The following MGAT4C variants were observed in gnomAD, a reference collection of about 807,000 sequenced individuals.
The protein encoded by MGAT4C is MGAT4 family member C, also known as alpha-1,3-mannosyl-glycoprotein 4-beta-N-acetylglucosaminyltransferase C.
MGAT4C carries 19 observed loss-of-function variants against 40.1 expected under a neutral mutation model. The ratio of observed to expected loss-of-function variants is 0.47; its 90% CI spans 0.33 to 0.70. The LOEUF (loss-of-function observed/expected upper bound fraction) is 0.70. MGAT4C is among the 30% of genes least tolerant of loss of function. The pLI is 0.02. For synonymous variants in MGAT4C, 181 were observed against 187.1 expected, an observed-to-expected ratio of 0.97 and a Z score of 0.27; for missense variants, 491 against 563.2, an observed-to-expected ratio of 0.87 and a Z score of 1.30.
At chr12:86,289,463 A>C (rs962671443) in intron 4 of MGAT4C, among the ~76,000 whole-genome samples, 1 of 152,054 alleles carries the variant, frequency 6.6e-6, no homozygotes, top group African/African-American at 2.4e-5. Flanking sequence ...GTAGTTTGAT[A>C]GGAATAGTAA....
chr12:86,298,391 G>C (rs1381965776), intron 4 of MGAT4C, among the ~76,000 whole-genome samples: 1 of 152,020 alleles, frequency 6.6e-6, no homozygotes, highest in Non-Finnish European at 1.5e-5. Flanking sequence ...TATAGCATTG[G>C]AAGTCAGGTA....
At chr12:86,454,700 G>GAGT (rs1454404337) in intron 2 of MGAT4C, among the ~76,000 whole-genome samples, 1 of 152,106 alleles carries the variant, frequency 6.6e-6, no homozygotes, top group African/African-American at 2.4e-5. Flanking sequence ...TTGGGCACTG[G>GAGT]AGTAGTAAGC....
chr12:86,739,637 A>G (rs1279260641), intron 1 of MGAT4C, among the ~76,000 whole-genome samples: 1 of 151,076 alleles, frequency 6.6e-6, no homozygotes, highest in Non-Finnish European at 1.5e-5. Context: ...TTTACATTGA[A>G]TTAGATATTA....
chr12:86,073,518 T>C (rs944972989), intron 1 of MGAT4C, among the ~76,000 whole-genome samples: 2 of 152,186 alleles, frequency 1.3e-5, no homozygotes, highest in Non-Finnish European at 2.9e-5. Flanking sequence ...TGGAGACTTG[T>C]TGAATGGCGG....
At chr12:86,311,332 T>C (rs1230289892) in intron 4 of MGAT4C, among the ~76,000 whole-genome samples, 1 of 152,188 alleles carries the variant, frequency 6.6e-6, no homozygotes, top group East Asian at 1.9e-4. Flanking sequence ...TAAATGCATC[T>C]GACATAGAAA....
At chr12:86,030,651 A>G (rs577154451) in intron 2 of MGAT4C, among the ~76,000 whole-genome samples, 8 of 151,928 alleles carry the variant, frequency 5.3e-5, no homozygotes, top group African/African-American at 1.7e-4. Flanking sequence ...CCAATGGAAT[A>G]TTACTTATAT....
chr12:86,039,696 T>C (rs1397014904), intron 2 of MGAT4C, among the ~76,000 whole-genome samples: 1 of 152,178 alleles, frequency 6.6e-6, no homozygotes, highest in Non-Finnish European at 1.5e-5. Context: ...GAGTTTGTTG[T>C]TACTCACCTT....
chr12:86,186,235 T>C (rs907390380), intron 1 of MGAT4C, among the ~76,000 whole-genome samples: 1 of 152,096 alleles, frequency 6.6e-6, no homozygotes, highest in African/African-American at 2.4e-5. Context: ...AATTTCTAGA[T>C]CCTTTTTTAA....
At chr12:86,511,620 T>G (rs1958588384) in intron 2 of MGAT4C, among the ~76,000 whole-genome samples, 2 of 152,102 alleles carry the variant, frequency 1.3e-5, no homozygotes, top group African/African-American at 4.8e-5. Flanking sequence ...CAACTGATCT[T>G]TGATCGGGGG....
intron 1 of MGAT4C, among the ~76,000 whole-genome samples, chr12:86,102,484 C>G (rs905340184): frequency 2.0e-5 from 3 of 151,862 alleles, no homozygotes; most frequent in African/African-American, 7.3e-5. Flanking sequence ...AAAAGTAACA[C>G]CTATTGGAAG....
At chr12:86,577,074 T>C (rs1464717957) in intron 2 of MGAT4C, among the ~76,000 whole-genome samples, 1 of 151,956 alleles carries the variant, frequency 6.6e-6, no homozygotes, top group East Asian at 1.9e-4. Context: ...TGTGTGACTA[T>C]TGTGAACAGG....
chr12:86,239,036 C>T (rs577432740), intron 1 of MGAT4C, among the ~76,000 whole-genome samples: 6 of 152,002 alleles, frequency 3.9e-5, no homozygotes, highest in Non-Finnish European at 7.4e-5. Context: ...CCTTAAGATC[C>T]GTTCTGCAAA....
intron 4 of MGAT4C, among the ~76,000 whole-genome samples, chr12:86,324,762 A>T (rs1257740217): frequency 6.6e-6 from 1 of 151,944 alleles, no homozygotes; most frequent in East Asian, 1.9e-4. Flanking sequence ...TTCCAGAAAC[A>T]TTTGCTCTCT....
intron 3 of MGAT4C, among the ~76,000 whole-genome samples, chr12:86,377,982 T>G (rs1955861932): frequency 6.6e-6 from 1 of 151,936 alleles, no homozygotes; most frequent in South Asian, 2.1e-4. Context: ...GTGACTGGTT[T>G]ATTTCACATT....
chr12:86,367,944 T>A (rs893794046), intron 3 of MGAT4C, among the ~76,000 whole-genome samples: 1 of 152,242 alleles, frequency 6.6e-6, no homozygotes, highest in Admixed American at 6.5e-5. Context: ...AATAAACCTA[T>A]CCTTCACTGT....
chr12:86,454,204 A>G (rs1957472211), intron 2 of MGAT4C, among the ~76,000 whole-genome samples: 1 of 152,128 alleles, frequency 6.6e-6, no homozygotes, highest in Non-Finnish European at 1.5e-5. Context: ...ACAATTATTG[A>G]TATGTCATAA....
chr12:86,580,506 T>C (rs1264469382), intron 2 of MGAT4C, among the ~76,000 whole-genome samples: 5 of 151,550 alleles, frequency 3.3e-5, no homozygotes, highest in East Asian at 1.9e-4. Flanking sequence ...AAATCCATAA[T>C]AAATTTGACA....
upstream of MGAT4C, among the ~76,000 whole-genome samples, chr12:86,258,361 A>G (rs1244530066): frequency 6.6e-6 from 1 of 151,840 alleles, no homozygotes; most frequent in African/African-American, 2.4e-5. Flanking sequence ...TTTAAAGACA[A>G]ATGTATTTTC....
intron 2 of MGAT4C, among the ~76,000 whole-genome samples, chr12:86,448,909 C>A (rs1165120250): frequency 6.6e-6 from 1 of 152,094 alleles, no homozygotes; most frequent in Non-Finnish European, 1.5e-5. Context: ...AGAATTGGAA[C>A]CTTCTATTTT....
Sources: allele counts gnomAD v4.1 joint callset (sites outside exome capture counted in the v4.1 genomes callset), GRCh38; gene constraint gnomAD v4.1.1; transcripts MANE v1.5; gene names NCBI Gene and HGNC (gene_info 2026-07-23, HGNC 2026-07-21).